DLGAP2: variants seen among roughly 807,000 people sequenced by gnomAD.
DLGAP2 encodes DLG associated protein 2, also known as disks large-associated protein 2.
Under a neutral mutation model 100.3 loss-of-function variants are expected in DLGAP2, and 26 were observed. The ratio of observed to expected loss-of-function variants is 0.26; its 90% CI spans 0.19 to 0.36. DLGAP2 has a LOEUF of 0.36. DLGAP2 is among the 10% of genes least tolerant of loss of function. The pLI, the probability that DLGAP2 is intolerant of heterozygous loss-of-function variation, is 1.00. For missense variants in DLGAP2, 1,858 were observed against 1,453.2 expected, an observed-to-expected ratio of 1.28 and a Z score of -4.53; for synonymous variants, 886 against 630.1, an observed-to-expected ratio of 1.41 and a Z score of -6.08.
chr8:1,338,787 C>G (rs1247252190), intron 3 of DLGAP2, among the ~76,000 whole-genome samples: 1 of 138,732 alleles, frequency 7.2e-6, no homozygotes, highest in South Asian at 2.3e-4. Flanking sequence ...CGGGAAGTAC[C>G]ATGGTGTCAG....
In DLGAP2 at chr8:1,701,414, G is replaced by A. The variant is rs536390596; in HGVS notation, c.*8G>A. 8.4e-5 allele frequency: 133 copies of A among 1,576,352 alleles called. No homozygotes were observed. Among genetic ancestry groups the A allele is most frequent in the Non-Finnish European group, 1.0e-4 (120 of 1,162,342 alleles). ...GCCCAGACCCGGCTCTGAGGGCGGA[G>A]GCCGGCGCCTTCCCCTCGTCGCTTC... On this transcript the variant is annotated 3_prime_UTR_variant, in exon 15 of 15. Coordinates refer to ENST00000637795, the MANE Select transcript of DLGAP2 (RefSeq NM_001346810.2).
intron 3 of DLGAP2, among the ~76,000 whole-genome samples, chr8:1,449,984 CGGAGCTG>C: frequency 1.8e-5 from 1 of 54,508 alleles, no homozygotes; most frequent in Non-Finnish European, 3.6e-5. Context: ...GTGACTGAGG[CGGAGCTG>C]TGAGGGTGAA....
intron 2 of DLGAP2, among the ~76,000 whole-genome samples, chr8:1,142,456 C>T (rs142030766): frequency 2.4e-4 from 37 of 152,232 alleles, no homozygotes; most frequent in African/African-American, 7.5e-4. Context: ...GAAGGGAAGC[C>T]AGTGTTCCCT....
intron 2 of DLGAP2, among the ~76,000 whole-genome samples, chr8:1,089,969 T>A (rs887797398): frequency 6.6e-6 from 1 of 152,160 alleles, no homozygotes; most frequent in African/African-American, 2.4e-5. Context: ...CTTGGGGGGC[T>A]GTGGAAACTC....
intron 3 of DLGAP2, among the ~76,000 whole-genome samples, chr8:1,474,452 C>G (rs564368685): frequency 5.3e-5 from 8 of 152,344 alleles, no homozygotes; most frequent in African/African-American, 1.9e-4. Context: ...AAGGAATCTC[C>G]TCACTGTTTT....
intron 1 of DLGAP2, among the ~76,000 whole-genome samples, chr8:746,953 A>G (rs558967973): frequency 6.6e-6 from 1 of 152,092 alleles, no homozygotes; most frequent in Non-Finnish European, 1.5e-5. Context: ...TGCAGTAAGG[A>G]AACCTTACTG....
chr8:1,050,126 A>G (rs1802636225), intron 2 of DLGAP2, among the ~76,000 whole-genome samples: 1 of 152,268 alleles, frequency 6.6e-6, no homozygotes, highest in African/African-American at 2.4e-5. Context: ...GCAGGCAGTC[A>G]CAGCCACGTG....
chr8:806,899 A>C (rs1381287490), intron 1 of DLGAP2, among the ~76,000 whole-genome samples: 2 of 152,202 alleles, frequency 1.3e-5, no homozygotes, highest in African/African-American at 4.8e-5. Flanking sequence ...GCAAGGCTGG[A>C]AGGAAAGATG....
At chr8:1,266,373 G>A (rs982019442) in intron 3 of DLGAP2, among the ~76,000 whole-genome samples, 7 of 152,182 alleles carry the variant, frequency 4.6e-5, no homozygotes, top group Non-Finnish European at 1.0e-4. Flanking sequence ...CTCTGTCTAC[G>A]GGGCAAGGTG....
chr8:1,359,302 C>A (rs969165311), intron 3 of DLGAP2, among the ~76,000 whole-genome samples: 3 of 152,242 alleles, frequency 2.0e-5, no homozygotes, highest in Admixed American at 6.5e-5. Context: ...GCGGTCCATG[C>A]GCCCTGGTTA....
intron 2 of DLGAP2, among the ~76,000 whole-genome samples, chr8:1,025,570 G>A (rs1488184009): frequency 1.3e-5 from 2 of 152,204 alleles, no homozygotes; most frequent in East Asian, 1.9e-4. Flanking sequence ...ATGGCGGAGA[G>A]CAGCTGTGTG....
At chr8:1,355,209 G>T (rs959551174) in intron 3 of DLGAP2, among the ~76,000 whole-genome samples, 1 of 152,244 alleles carries the variant, frequency 6.6e-6, no homozygotes, top group East Asian at 1.9e-4. Flanking sequence ...TGGCACCCGC[G>T]TGCTGGCGTG....
intron 11 of DLGAP2, 95 bp from the exon 12 acceptor site, chr8:1,678,119 G>A: frequency 7.0e-7 from 1 of 1,420,252 alleles, no homozygotes; most frequent in Non-Finnish European, 9.5e-7. Context: ...AGGCTGTTGA[G>A]CTCAGGTGCG....
At chr8:1,166,081 C>T (rs1404707807) in intron 2 of DLGAP2, among the ~76,000 whole-genome samples, 1 of 152,260 alleles carries the variant, frequency 6.6e-6, no homozygotes, top group East Asian at 1.9e-4. Flanking sequence ...AAAGAGGAGG[C>T]TCTTGCCCTC....
intron 1 of DLGAP2, among the ~76,000 whole-genome samples, chr8:801,125 A>G (rs773300215): frequency 1.3e-5 from 2 of 152,214 alleles, no homozygotes; most frequent in Non-Finnish European, 2.9e-5. Context: ...TCGGTTGATT[A>G]GACCGAAGGC....
chr8:1,183,828 G>A lies in DLGAP2; in HGVS notation c.74-75023G>A, dbSNP rs933606929. On this transcript the variant is annotated intron_variant, in intron 2 of 14. Coordinates refer to ENST00000637795, the MANE Select transcript of DLGAP2 (RefSeq NM_001346810.2). The stretch of plus-strand genomic sequence containing the variant: ...AACACCCTTTGCAAGCCTTCAGGCA[G>A]AGAACGTACTGCCTCCATTCAGCAG... Among the ~76,000 whole-genome samples the A allele has an allele frequency of 3.3e-5, 5 of 152,360 alleles. No individual in the cohort carries two copies. The East Asian group carries it at 9.6e-4, about 29-fold the overall frequency.
intron 8 of DLGAP2, among the ~76,000 whole-genome samples, chr8:1,652,249 T>A (rs780152045): frequency 6.6e-6 from 1 of 151,962 alleles, no homozygotes; most frequent in Non-Finnish European, 1.5e-5. Flanking sequence ...CCTCCTGGAG[T>A]GTGTGTGAGC....
intron 2 of DLGAP2, among the ~76,000 whole-genome samples, chr8:1,116,879 G>A (rs1159377268): frequency 6.6e-6 from 1 of 152,208 alleles, no homozygotes; most frequent in Non-Finnish European, 1.5e-5. Flanking sequence ...AGTTGACTCT[G>A]AGTCTGAACA....
chr8:1,012,641 C>T (rs1312659839), intron 2 of DLGAP2, among the ~76,000 whole-genome samples: 1 of 129,602 alleles, frequency 7.7e-6, no homozygotes, highest in Non-Finnish European at 1.6e-5. Flanking sequence ...GTGTGGACAC[C>T]GTCCGACCAG....
Sources: gnomAD v4.1 joint callset for allele counts (sites outside exome capture counted in the v4.1 genomes callset) on GRCh38, gnomAD v4.1.1 for gene constraint, MANE v1.5 for transcripts, NCBI Gene and HGNC (gene_info 2026-07-23, HGNC 2026-07-21) for gene names.